Variants in RTL4 observed in about 807,000 individuals in gnomAD.
RTL4 encodes retrotransposon Gag-like protein 4.
RTL4 carries 4 observed loss-of-function variants against 5.3 expected under a neutral mutation model. That is an observed-to-expected ratio of 0.75 (90% CI 0.37 to 1.72). RTL4 has a LOEUF of 1.72. RTL4 is among the 40% of genes most tolerant of loss of function. RTL4 has a pLI of 0.04. For synonymous variants in RTL4, 98 were observed against 87.3 expected, an observed-to-expected ratio of 1.12 and a Z score of -0.68; for missense variants, 260 against 227.1, an observed-to-expected ratio of 1.14 and a Z score of -0.93.
chrX:112,248,927 C>T, the RTL4 span, among the ~76,000 whole-genome samples: 1,182 of 112,043 alleles, frequency 0.011, 20 homozygotes, highest in African/African-American at 0.036. Flanking sequence ...TACTAGAAAA[C>T]GAGATAAAAG....
At chrX:112,398,755 G>A in the RTL4 span, among the ~76,000 whole-genome samples, 2 of 111,782 alleles carry the variant, frequency 1.8e-5, no homozygotes, top group Non-Finnish European at 3.8e-5. Context: ...TCTTCATGAA[G>A]GATATTGAAT....
At chrX:112,192,963 T>C in the RTL4 span, among the ~76,000 whole-genome samples, 1 of 111,638 alleles carries the variant, frequency 9.0e-6, no homozygotes, top group Admixed American at 9.5e-5. Flanking sequence ...TTCTCTGCTC[T>C]TGTTTATGTG....
the RTL4 span, among the ~76,000 whole-genome samples, chrX:112,389,510 TTC>T: frequency 9.0e-6 from 1 of 111,359 alleles, no homozygotes; most frequent in African/African-American, 3.3e-5. Flanking sequence ...TTTGAGATCT[TTC>T]TAACTTTTTG....
chrX:112,083,672 G>T, the RTL4 span, among the ~76,000 whole-genome samples: 73 of 111,947 alleles, frequency 6.5e-4, no homozygotes, highest in Admixed American at 1.9e-3. Context: ...GTTGTGGAGG[G>T]AGAGGGGCGG....
chrX:112,372,712 A>G, the RTL4 span, among the ~76,000 whole-genome samples: 1,265 of 111,824 alleles, frequency 0.011, 21 homozygotes, highest in African/African-American at 0.039. Context: ...TCTTCTTCAC[A>G]AGCACCTGGA....
chrX:112,208,791 C>T, the RTL4 span, among the ~76,000 whole-genome samples: 1 of 112,473 alleles, frequency 8.9e-6, no homozygotes, highest in African/African-American at 3.2e-5. Flanking sequence ...ATTCAGAAGT[C>T]CTTGGGAGAA....
exon 1 of RTL4, chrX:112,455,403 C>A: frequency 8.3e-7 from 1 of 1,211,444 alleles, no homozygotes; most frequent in African/African-American, 1.7e-5. Flanking sequence ...GGCCAGAGCT[C>A]CTACAGTCAG....
the RTL4 span, among the ~76,000 whole-genome samples, chrX:112,163,252 C>T: frequency 8.9e-6 from 1 of 111,981 alleles, no homozygotes; most frequent in Non-Finnish European, 1.9e-5. Context: ...GACTTTGTGA[C>T]TTTGGCAAAT....
chrX:112,293,324 C>T, the RTL4 span, among the ~76,000 whole-genome samples: 1 of 112,409 alleles, frequency 8.9e-6, no homozygotes, highest in Non-Finnish European at 1.9e-5. Flanking sequence ...TTAATAGACA[C>T]ATATTCCTTG....
chrX:112,309,807 TAC>T, the RTL4 span, among the ~76,000 whole-genome samples: 2 of 107,772 alleles, frequency 1.9e-5, no homozygotes, highest in Non-Finnish European at 3.8e-5. Context: ...CACACACATA[TAC>T]ACACACATAT....
At chrX:112,293,138 A>G in the RTL4 span, among the ~76,000 whole-genome samples, 25 of 112,228 alleles carry the variant, frequency 2.2e-4, no homozygotes, top group Admixed American at 5.7e-4. Context: ...AGGTGATGCC[A>G]GGGATGGCCA....
At chrX:112,172,738 A>G in the RTL4 span, among the ~76,000 whole-genome samples, 1 of 111,568 alleles carries the variant, frequency 9.0e-6, no homozygotes, top group Non-Finnish European at 1.9e-5. Context: ...TAGCAAAGAC[A>G]TGGAATCAAC....
the RTL4 span, among the ~76,000 whole-genome samples, chrX:112,418,481 C>G: frequency 9.0e-6 from 1 of 111,660 alleles, no homozygotes; most frequent in Non-Finnish European, 1.9e-5. Flanking sequence ...TAGAAGTAAA[C>G]AAGACAATCC....
upstream of RTL4, among the ~76,000 whole-genome samples, chrX:112,449,644 T>C (rs914043605): frequency 9.0e-6 from 1 of 111,632 alleles, no homozygotes; most frequent in African/African-American, 3.3e-5. Flanking sequence ...TGATGTACCC[T>C]GAAATTTGAG....
the RTL4 span, among the ~76,000 whole-genome samples, chrX:112,289,785 G>GTA: frequency 1.8e-5 from 2 of 111,260 alleles, no homozygotes; most frequent in African/African-American, 6.6e-5. Context: ...GTGTGTGTGT[G>GTA]TGTGTGTGTG....
At chrX:112,226,984 TA>T in the RTL4 span, among the ~76,000 whole-genome samples, 7 of 36,636 alleles carry the variant, frequency 1.9e-4, no homozygotes, top group African/African-American at 2.5e-4. Context: ...TAAAATAAAA[TA>T]AAACAAAATA....
chrX:112,441,110 A>G, the RTL4 span, among the ~76,000 whole-genome samples: 1 of 111,725 alleles, frequency 9.0e-6, no homozygotes, highest in Admixed American at 9.5e-5. Flanking sequence ...TATCTGGTGC[A>G]TGAATCTGCT....
chrX:112,172,666 C>T, the RTL4 span, among the ~76,000 whole-genome samples: 1 of 110,839 alleles, frequency 9.0e-6, no homozygotes, highest in Admixed American at 9.6e-5. Flanking sequence ...GGTATAGACC[C>T]CAAGAAATAT....
chrX:112,328,231 G>T, the RTL4 span, among the ~76,000 whole-genome samples: 2 of 110,493 alleles, frequency 1.8e-5, no homozygotes, highest in Non-Finnish European at 3.8e-5. Context: ...AAAGAGTCAA[G>T]ACCCATCAGT....
Sources: allele counts gnomAD v4.1 joint callset (sites outside exome capture counted in the v4.1 genomes callset), GRCh38; gene constraint gnomAD v4.1.1; transcripts MANE v1.5; gene names NCBI Gene and HGNC (gene_info 2026-07-23, HGNC 2026-07-21).